The following ZC3H18 variants were observed in gnomAD, a reference collection of about 807,000 sequenced individuals.
ZC3H18 encodes zinc finger CCCH-type containing 18.
A neutral mutation model predicts 106.1 loss-of-function variants in ZC3H18; 8 were observed. The observed-to-expected ratio is 0.08, with a 90% confidence interval of 0.04 to 0.14. The LOEUF (loss-of-function observed/expected upper bound fraction) is 0.14. Among genes scored for constraint, ZC3H18 ranks in the 10% least tolerant of loss-of-function variants. The probability of loss-of-function intolerance (pLI) is 1.00; values close to 1 mark genes in which losing one functional copy is unlikely to be tolerated. For missense variants in ZC3H18, 1,318 were observed against 1,278.4 expected, an observed-to-expected ratio of 1.03 and a Z score of -0.47; for synonymous variants, 635 against 522.1, an observed-to-expected ratio of 1.22 and a Z score of -2.95.
intron 2 of ZC3H18, among the ~76,000 whole-genome samples, chr16:88,580,344 A>G (rs930148173): frequency 3.9e-5 from 6 of 152,004 alleles, no homozygotes; most frequent in African/African-American, 1.2e-4. Context: ...GAGGAATCCT[A>G]CTTGCCCGGG....
intron 17 of ZC3H18, 152 bp from the exon 18 acceptor site, chr16:88,630,949 C>T (rs1411887742): frequency 3.1e-6 from 3 of 964,010 alleles, no homozygotes; most frequent in Non-Finnish European, 4.7e-6. Context: ...ACCAGGCCTG[C>T]TTGTGGCAGT....
intron 6 of ZC3H18, among the ~76,000 whole-genome samples, chr16:88,603,679 G>A (rs1334980384): frequency 6.7e-6 from 1 of 148,380 alleles, no homozygotes; most frequent in African/African-American, 2.5e-5. Context: ...GTGGAGTGCA[G>A]TGGCGCAATC....
At chr16:88,579,407 T>C (rs1386988093) in intron 2 of ZC3H18, among the ~76,000 whole-genome samples, 1 of 152,166 alleles carries the variant, frequency 6.6e-6, no homozygotes, top group Non-Finnish European at 1.5e-5. Flanking sequence ...TGGCGTGCTC[T>C]AGTTCCTCTT....
At chr16:88,612,030 G>A (rs1204916542) in intron 8 of ZC3H18, among the ~76,000 whole-genome samples, 1 of 152,146 alleles carries the variant, frequency 6.6e-6, no homozygotes, top group Non-Finnish European at 1.5e-5. Flanking sequence ...GGGAGGGCCG[G>A]GCGGGCTGCT....
chr16:88,579,011 T>C (rs1162241155), intron 2 of ZC3H18, among the ~76,000 whole-genome samples: 4 of 152,144 alleles, frequency 2.6e-5, no homozygotes, highest in African/African-American at 9.7e-5. Context: ...TCCAGTAGCA[T>C]GCTGGCGTGC....
chr16:88,584,365 T>G (rs1170208088), intron 2 of ZC3H18, among the ~76,000 whole-genome samples: 1 of 149,018 alleles, frequency 6.7e-6, no homozygotes, highest in Non-Finnish European at 1.5e-5. Context: ...GAGGTTGCAG[T>G]GAACCGAGAT....
chr16:88,608,935 C>T lies in ZC3H18; in HGVS notation c.1090C>T (p.Leu364Phe). The change falls in exon 7 of 18, where the codon CTC becomes TTC. Residue 364 changes from leucine to phenylalanine, a missense_variant and splice_region_variant. Physicochemically the swap from Leu to Phe is conservative, Grantham distance 22. Around this residue, in one of 6 missense-constraint regions of ZC3H18, gnomAD observed 848 missense variants for 821.7 expected, o/e 1.03. Transcript: ENST00000301011. ...TTCTTTTTCATTGGCCCTTTTCAGACTCGAGCCTTACGCAGACCCTTATTA... is the reference window on the plus strand; with the variant it reads ...TTCTTTTTCATTGGCCCTTTTCAGATTCGAGCCTTACGCAGACCCTTATTA... ...RIPRDVRDTV[L>F]EPYADPYYDY... 2 of 1,610,622 alleles carry T rather than the reference C, an allele frequency of 1.2e-6. No homozygotes were observed. Among genetic ancestry groups the T allele is most frequent in the Non-Finnish European group, 1.7e-6 (2 of 1,178,436 alleles).
chr16:88,570,890 A>C (rs984459335), intron 1 of ZC3H18, among the ~76,000 whole-genome samples: 1 of 152,202 alleles, frequency 6.6e-6, no homozygotes, highest in African/African-American at 2.4e-5. Context: ...CTCGCGTGGC[A>C]CATGTGTGCC....
intron 8 of ZC3H18, among the ~76,000 whole-genome samples, chr16:88,618,618 G>A (rs1012088059): frequency 6.6e-6 from 1 of 152,110 alleles, no homozygotes; most frequent in African/African-American, 2.4e-5. Flanking sequence ...TGCCAGCCTC[G>A]GGCCCTTGGT....
Position 88,628,123 on chromosome 16 carries a change from AGGGCAAGGGCCCTCCTG to A in ZC3H18, c.2469+6_2469+22del. On this transcript the variant is annotated splice_donor_5th_base_variant and intron_variant, in intron 15 of 17. Transcript: ENST00000301011. Reference sequence around the variant, plus strand: ...CAAGTTGACACTGTTGAATAAGGTGAGGGCAAGGGCCCTCCTGGTGGCTGCCCCAGCGTCTAGGCCTG... The same window carrying A: ...CAAGTTGACACTGTTGAATAAGGTGAGTGGCTGCCCCAGCGTCTAGGCCTG... 6.2e-7 allele frequency: 1 copy of A among 1,611,450 alleles called. No individual in the cohort carries two copies. The highest frequency in any genetic ancestry group is 8.5e-7 in the Non-Finnish European group (1 of 1,178,100).
At chr16:88,608,248 C>G (rs1441899641) in intron 6 of ZC3H18, among the ~76,000 whole-genome samples, 1 of 152,208 alleles carries the variant, frequency 6.6e-6, no homozygotes, top group African/African-American at 2.4e-5. Context: ...TGCGGAGACT[C>G]CTGGGGGAGC....
At chr16:88,588,901 CAGA>C (rs1446903275) in intron 3 of ZC3H18, among the ~76,000 whole-genome samples, 1 of 151,728 alleles carries the variant, frequency 6.6e-6, no homozygotes, top group Non-Finnish European at 1.5e-5. Flanking sequence ...AAAAAAAAGT[CAGA>C]AGCTAGATAA....
intron 6 of ZC3H18, among the ~76,000 whole-genome samples, chr16:88,603,176 A>G (rs1302283588): frequency 6.6e-6 from 1 of 151,884 alleles, no homozygotes; most frequent in Middle Eastern, 3.2e-3. Flanking sequence ...CATGTTAGCC[A>G]GGAATGGCCT....
At position 88,623,328 on chromosome 16, in the gene ZC3H18, T is replaced by C. The variant is rs1334893440; in HGVS notation, c.1777T>C (p.Ser593Pro). 1.2e-6 allele frequency: 2 copies of C among 1,613,608 alleles called. No homozygotes were observed. The highest frequency in any genetic ancestry group is 3.3e-5 in the Admixed American group (2 of 60,024). The part of the protein sequence containing the change: ...SSRSSRHSSF[S>P]GSRSRSRSFS... ...CCGCTCTTCCAGACACAGCTCGTTC[T>C]CAGGAAGCCGGTCCAGGTATGTCCC... Residue 593 changes from serine to proline, a missense_variant, in exon 10 of 18, where the codon TCA becomes CCA. Physicochemically the swap from Ser to Pro is moderately conservative, Grantham distance 74 (BLOSUM62 -1). Transcript: ENST00000301011.
At chr16:88,616,865 T>A (rs545192326) in intron 8 of ZC3H18, among the ~76,000 whole-genome samples, 18 of 152,254 alleles carry the variant, frequency 1.2e-4, no homozygotes, top group Non-Finnish European at 2.5e-4. Context: ...GGCTAGGCCT[T>A]GCATGGGGGC....
At chr16:88,624,187 G>T (rs1906148232) in intron 11 of ZC3H18, 125 bp downstream of exon 11, 2 of 1,348,040 alleles carry the variant, frequency 1.5e-6, no homozygotes, top group East Asian at 4.7e-5. Context: ...CAGGGGGCTG[G>T]CCCCAGGGGG....
intron 8 of ZC3H18, 150 bp downstream of exon 8, chr16:88,611,686 CA>C: frequency 8.0e-7 from 1 of 1,255,892 alleles, no homozygotes; most frequent in Non-Finnish European, 1.1e-6. Context: ...CCCATAGTTC[CA>C]AACCCAGAGC....
chr16:88,585,319 G>A (rs781664675), intron 2 of ZC3H18, among the ~76,000 whole-genome samples: 21 of 152,208 alleles, frequency 1.4e-4, no homozygotes, highest in Non-Finnish European at 2.2e-4. Context: ...TTAGGTTGTC[G>A]TAAATCCAGG....
At chr16:88,603,483 C>T (rs1452280163) in intron 6 of ZC3H18, among the ~76,000 whole-genome samples, 4 of 151,282 alleles carry the variant, frequency 2.6e-5, no homozygotes, top group Admixed American at 2.6e-4. Context: ...ATTAGCAGGG[C>T]GTGGCAGCAT....
Sources: allele counts gnomAD v4.1 joint callset (sites outside exome capture counted in the v4.1 genomes callset), GRCh38; gene constraint gnomAD v4.1.1; regional missense constraint gnomAD v4.1.1; transcripts MANE v1.5; gene names NCBI Gene and HGNC (gene_info 2026-07-23, HGNC 2026-07-21).